ADAMTSL1: variants seen among roughly 807,000 people sequenced by gnomAD.
ADAMTSL1 encodes the protein ADAMTS-like protein 1.
A neutral mutation model predicts 201.8 loss-of-function variants in ADAMTSL1; 126 were observed. The observed-to-expected ratio is 0.62, with a 90% CI of 0.54 to 0.72. The LOEUF is 0.72. Among genes scored for constraint, ADAMTSL1 ranks in the 30% least tolerant of loss-of-function variants. ADAMTSL1 has a pLI of 0.00. For missense variants in ADAMTSL1, 2,679 were observed against 2,277.8 expected, an observed-to-expected ratio of 1.18 and a Z score of -3.59; for synonymous variants, 1,121 against 903.4, an observed-to-expected ratio of 1.24 and a Z score of -4.32.
intron 27 of ADAMTSL1, 48 bp downstream of exon 27, chr9:18,905,939 A>C: frequency 6.8e-7 from 1 of 1,469,578 alleles, no homozygotes; most frequent in Non-Finnish European, 9.4e-7. Context: ...TGTCAACAGC[A>C]CGGAAAGATG....
Position 18,706,846 on chromosome 9 carries a change from C to G in ADAMTSL1, c.1674C>G (p.Ser558=). 6.2e-7 allele frequency: 1 copy of G among 1,612,822 alleles called. No homozygotes were observed. Among genetic ancestry groups the G allele is most frequent in the Non-Finnish European group, 8.5e-7 (1 of 1,179,310 alleles). ...AGGTGCTCCTGTCTTTCTCTCAGTC[C>G]GTGGCTGACCTGCCTATTGACGAGT... ...RCQVLLSFSQ[S]VADLPIDECE... is the part of the protein sequence containing the mutation. Residue 558 remains serine, a synonymous_variant, in exon 14 of 29, where the codon TCC becomes TCG. Transcript: ENST00000380548.
chr9:18,524,566 T>A (rs1346091981), intron 2 of ADAMTSL1, among the ~76,000 whole-genome samples: 3 of 152,296 alleles, frequency 2.0e-5, no homozygotes, highest in East Asian at 3.9e-4. Flanking sequence ...AGTATGATAT[T>A]GGCTGTGGGT....
At chr9:18,169,582 T>G (rs1420095059) in intron 2 of ADAMTSL1, among the ~76,000 whole-genome samples, 1 of 152,184 alleles carries the variant, frequency 6.6e-6, no homozygotes, top group South Asian at 2.1e-4. Flanking sequence ...TTTGTTCTTT[T>G]GACTTAGGAT....
At chr9:18,685,642 T>C (rs1245469781) in intron 13 of ADAMTSL1, among the ~76,000 whole-genome samples, 1 of 152,208 alleles carries the variant, frequency 6.6e-6, no homozygotes, top group African/African-American at 2.4e-5. Context: ...CAAGAGTTAA[T>C]AGTGGAGCAT....
At chr9:18,549,137 A>G (rs1420688052) in intron 3 of ADAMTSL1, among the ~76,000 whole-genome samples, 1 of 152,010 alleles carries the variant, frequency 6.6e-6, no homozygotes, top group Non-Finnish European at 1.5e-5. Context: ...GCTGAACAGG[A>G]AAAATAAAAA....
intron 1 of ADAMTSL1, among the ~76,000 whole-genome samples, chr9:18,160,308 A>G (rs917273718): frequency 1.3e-5 from 2 of 152,040 alleles, no homozygotes; most frequent in African/African-American, 4.8e-5. Flanking sequence ...GAGTCTGGGA[A>G]TCCCATGGGA....
intron 7 of ADAMTSL1, among the ~76,000 whole-genome samples, 156 bp downstream of exon 7, chr9:18,639,567 A>G (rs965401508): frequency 6.6e-6 from 1 of 152,040 alleles, no homozygotes; most frequent in Non-Finnish European, 1.5e-5. Context: ...AGCTAGCTGC[A>G]TCCTGGACCT....
intron 2 of ADAMTSL1, among the ~76,000 whole-genome samples, chr9:18,243,480 T>G (rs1563831085): frequency 6.6e-6 from 1 of 152,096 alleles, no homozygotes; most frequent in Non-Finnish European, 1.5e-5. Flanking sequence ...CTCCTCACAC[T>G]GACCTTTGAA....
intron 23 of ADAMTSL1, among the ~76,000 whole-genome samples, chr9:18,884,957 A>T (rs1258584446): frequency 6.6e-6 from 1 of 152,214 alleles, no homozygotes; most frequent in Admixed American, 6.5e-5. Flanking sequence ...ATTGCATTCA[A>T]TCTGTAGATC....
chr9:17,952,739 C>T (rs952334881), intron 1 of ADAMTSL1, among the ~76,000 whole-genome samples: 1 of 152,114 alleles, frequency 6.6e-6, no homozygotes, highest in Admixed American at 6.5e-5. Flanking sequence ...GTTGGCCAGG[C>T]TGGTCTCGAA....
intron 5 of ADAMTSL1, among the ~76,000 whole-genome samples, chr9:18,630,103 G>A (rs1217890553): frequency 1.3e-5 from 2 of 152,052 alleles, no homozygotes; most frequent in South Asian, 2.1e-4. Flanking sequence ...CTTGAGCTGT[G>A]TTCTGGGAGC....
At chr9:18,073,473 A>G (rs1823054948) in intron 1 of ADAMTSL1, among the ~76,000 whole-genome samples, 1 of 152,210 alleles carries the variant, frequency 6.6e-6, no homozygotes, top group Non-Finnish European at 1.5e-5. Flanking sequence ...TTACACATTT[A>G]CAGAGGAAAT....
rs1052933187 is a variant in ADAMTSL1 at position 18,707,190 on chromosome 9, G to C, written c.1876+142G>C. The C allele has an allele frequency of 4.5e-6, 5 of 1,104,652 alleles. No homozygotes were observed. In the African/African-American group the frequency reaches 7.9e-5, roughly 17 times the overall value. The allele number at this position is 1,104,652 out of a possible 1,614,324, so 68.4% of individuals were successfully genotyped here. ...GGGAGGCAGCCATTCTAAATGTAAA[G>C]CACACTGAATCAAACACAGATGTAT... On this transcript the variant is annotated intron_variant, in intron 14 of 28. Transcript: ENST00000380548.
chr9:18,599,624 A>G (rs145899119), intron 4 of ADAMTSL1, among the ~76,000 whole-genome samples: 1 of 152,070 alleles, frequency 6.6e-6, no homozygotes, highest in Admixed American at 6.6e-5. Context: ...TCAAAGTATC[A>G]TTTTTTAGTT....
intron 2 of ADAMTSL1, among the ~76,000 whole-genome samples, chr9:18,432,340 T>C (rs1819529906): frequency 6.6e-6 from 1 of 152,214 alleles, no homozygotes; most frequent in South Asian, 2.1e-4. Context: ...TAAATGTTTG[T>C]TGAGTTAAAT....
intron 3 of ADAMTSL1, among the ~76,000 whole-genome samples, chr9:18,546,951 A>T (rs1820505406): frequency 2.0e-5 from 3 of 152,156 alleles, no homozygotes; most frequent in Non-Finnish European, 2.9e-5. Context: ...ATGATATCTC[A>T]TAAGGTCTTC....
chr9:17,953,541 G>A (rs1187299517), intron 1 of ADAMTSL1, among the ~76,000 whole-genome samples: 1 of 152,074 alleles, frequency 6.6e-6, no homozygotes, highest in Non-Finnish European at 1.5e-5. Context: ...GTTCCTAAAA[G>A]CAAAATAATA....
chr9:18,475,665 G>A (rs1354382935), intron 1 of ADAMTSL1, among the ~76,000 whole-genome samples: 1 of 152,140 alleles, frequency 6.6e-6, no homozygotes, highest in Non-Finnish European at 1.5e-5. Context: ...TGTGGAGCAA[G>A]CGATTTATGA....
intron 7 of ADAMTSL1, among the ~76,000 whole-genome samples, chr9:18,646,267 T>C (rs1827805451): frequency 6.6e-6 from 1 of 152,084 alleles, no homozygotes; most frequent in African/African-American, 2.4e-5. Context: ...TGAAGTTGCT[T>C]ATCAGCTTAA....
Sources: gnomAD v4.1 joint callset for allele counts (sites outside exome capture counted in the v4.1 genomes callset) on GRCh38, gnomAD v4.1.1 for gene constraint, MANE v1.5 for transcripts, NCBI Gene and HGNC (gene_info 2026-07-23, HGNC 2026-07-21) for gene names.